Variants in SLIT3 observed in about 807,000 individuals in gnomAD.
The protein encoded by SLIT3 is slit homolog 3 protein.
In SLIT3, 68 loss-of-function variants were observed where a neutral mutation model predicts 184.0. The observed-to-expected ratio is 0.37, with a 90% CI of 0.30 to 0.45. The LOEUF (loss-of-function observed/expected upper bound fraction) is 0.45. Among genes scored for constraint, SLIT3 ranks in the 20% least tolerant of loss-of-function variants. SLIT3 has a pLI of 1.00. For missense variants in SLIT3, 1,707 were observed against 2,026.0 expected (o/e 0.84, Z 3.02); for synonymous variants, 831 against 828.6 (o/e 1.00, Z -0.05).
chr5:168,853,095 T>G (rs546715859), intron 5 of SLIT3, among the ~76,000 whole-genome samples: 2 of 152,350 alleles, frequency 1.3e-5, no homozygotes, highest in East Asian at 3.9e-4. Context: ...TTGTCCCTTC[T>G]TCTTCCATCC....
chr5:168,676,163 TTCCATCCATCCATCCA>T (rs113432099), intron 32 of SLIT3, among the ~76,000 whole-genome samples: 10 of 150,194 alleles, frequency 6.7e-5, no homozygotes, highest in Admixed American at 6.0e-4. Flanking sequence ...ATCTACTCTC[TTCCATCCATCCATCCA>T]TCCATCCATC....
chr5:169,083,874 C>A (rs963235965), intron 4 of SLIT3, among the ~76,000 whole-genome samples: 1 of 152,138 alleles, frequency 6.6e-6, no homozygotes, highest in East Asian at 1.9e-4. Context: ...CTTAGAATAC[C>A]CACCTGGAGC....
intron 26 of SLIT3, 40 bp downstream of exon 26, chr5:168,707,936 C>A: frequency 6.2e-7 from 1 of 1,612,574 alleles, no homozygotes; most frequent in Non-Finnish European, 8.5e-7. Flanking sequence ...GAAGGAGGAG[C>A]CTGAGGCATG....
Position 169,030,844 on chromosome 5 carries a change from A to G in SLIT3, c.414-147508T>C, listed in dbSNP as rs76285929. 8.1e-4 allele frequency among the ~76,000 whole-genome samples: 123 copies of G among 152,370 alleles called. 1 individual carries two copies. The highest frequency in any genetic ancestry group is 1.4e-3 in the Non-Finnish European group (94 of 68,038). On this transcript the variant is annotated intron_variant, in intron 4 of 35. Transcript: ENST00000519560. The stretch of plus-strand genomic sequence containing the variant: ...AAAAGCAACTTATTGGCTCGGAAGT[A>G]GAACGTGGTATGGTTGGGAATAGAA...
At chr5:169,095,819 C>T (rs1759756520) in intron 4 of SLIT3, among the ~76,000 whole-genome samples, 1 of 152,222 alleles carries the variant, frequency 6.6e-6, no homozygotes, top group African/African-American at 2.4e-5. Flanking sequence ...CCACAGAAGT[C>T]TAGCAGAATT....
At chr5:169,168,599 T>C (rs1762718041) in intron 4 of SLIT3, among the ~76,000 whole-genome samples, 2 of 152,204 alleles carry the variant, frequency 1.3e-5, no homozygotes, top group African/African-American at 4.8e-5. Context: ...CAAAAAGTAG[T>C]AGGAGTCACT....
chr5:169,189,851 A>G (rs1763492861), intron 4 of SLIT3, among the ~76,000 whole-genome samples: 1 of 152,160 alleles, frequency 6.6e-6, no homozygotes, highest in African/African-American at 2.4e-5. Flanking sequence ...AAATGAGTTA[A>G]TAGACATGAA....
intron 20 of SLIT3, among the ~76,000 whole-genome samples, chr5:168,736,966 A>T (rs192207025): frequency 6.6e-6 from 1 of 152,214 alleles, no homozygotes; most frequent in African/African-American, 2.4e-5. Context: ...TGCCTTGAAG[A>T]GTTGTTAGCA....
At chr5:169,231,226 T>C (rs765046294) in intron 3 of SLIT3, among the ~76,000 whole-genome samples, 28 of 152,182 alleles carry the variant, frequency 1.8e-4, no homozygotes, top group Non-Finnish European at 3.4e-4. Flanking sequence ...TTTTGAAGTA[T>C]AACACGTACA....
chr5:169,003,991 G>A (rs1341158891), intron 4 of SLIT3, among the ~76,000 whole-genome samples: 1 of 152,096 alleles, frequency 6.6e-6, no homozygotes, highest in South Asian at 2.1e-4. Flanking sequence ...TGATTCTCAC[G>A]TTAGGAAAAC....
At chr5:168,925,862 C>G (rs1761803838) in intron 4 of SLIT3, among the ~76,000 whole-genome samples, 1 of 152,170 alleles carries the variant, frequency 6.6e-6, no homozygotes, top group Admixed American at 6.5e-5. Flanking sequence ...ACCAAAACAA[C>G]ACATTTCAGA....
intron 4 of SLIT3, among the ~76,000 whole-genome samples, chr5:169,192,347 T>C (rs1763582346): frequency 1.3e-5 from 2 of 152,080 alleles, no homozygotes; most frequent in Admixed American, 1.3e-4. Flanking sequence ...CACTGCATGA[T>C]TGGAATACCA....
At chr5:168,919,004 C>T (rs984618582) in intron 4 of SLIT3, among the ~76,000 whole-genome samples, 3 of 152,036 alleles carry the variant, frequency 2.0e-5, no homozygotes, top group Non-Finnish European at 2.9e-5. Context: ...GTGCAAAATA[C>T]ACATAGGATA....
At chr5:169,016,825 A>G (rs1215352109) in intron 4 of SLIT3, among the ~76,000 whole-genome samples, 3 of 152,226 alleles carry the variant, frequency 2.0e-5, no homozygotes, top group Non-Finnish European at 4.4e-5. Flanking sequence ...ACTTAATACA[A>G]CATTAGGAAC....
At chr5:168,907,301 A>C (rs2113058795) in intron 4 of SLIT3, among the ~76,000 whole-genome samples, 1 of 152,296 alleles carries the variant, frequency 6.6e-6, no homozygotes, top group East Asian at 1.9e-4. Flanking sequence ...CTCAGCCATA[A>C]GGCCTCACAC....
chr5:168,806,415 G>A (rs1475207406), intron 9 of SLIT3, 31 bp downstream of exon 9: 1 of 1,613,642 alleles, frequency 6.2e-7, no homozygotes, highest in Non-Finnish European at 8.5e-7. Context: ...TCCGGCGACA[G>A]TTGTTGGGGG....
At chr5:169,001,315 T>G (rs967929224) in intron 4 of SLIT3, among the ~76,000 whole-genome samples, 7 of 152,140 alleles carry the variant, frequency 4.6e-5, no homozygotes, top group African/African-American at 1.7e-4. Flanking sequence ...CCCCCACATA[T>G]TAATTTGCCA....
intron 4 of SLIT3, among the ~76,000 whole-genome samples, chr5:169,033,292 TA>T (rs1757108477): frequency 1.3e-5 from 2 of 152,176 alleles, no homozygotes; most frequent in Non-Finnish European, 2.9e-5. Context: ...AGATCTTTTT[TA>T]GGGCTGAATA....
At chr5:169,103,283 G>GTT (rs1423862365) in intron 4 of SLIT3, among the ~76,000 whole-genome samples, 1 of 152,214 alleles carries the variant, frequency 6.6e-6, no homozygotes, top group African/African-American at 2.4e-5. Flanking sequence ...ATCACATTGT[G>GTT]TAAAATAGAC....
Sources: gnomAD v4.1 joint callset for allele counts (sites outside exome capture counted in the v4.1 genomes callset) on GRCh38, gnomAD v4.1.1 for gene constraint, MANE v1.5 for transcripts, NCBI Gene and HGNC (gene_info 2026-07-23, HGNC 2026-07-21) for gene names.